Variants in JAKMIP3 observed in about 807,000 individuals in gnomAD.
JAKMIP3 encodes the protein janus kinase and microtubule-interacting protein 3.
JAKMIP3 carries 58 observed loss-of-function variants against 118.5 expected under a neutral mutation model. The observed-to-expected ratio is 0.49, with a 90% CI of 0.40 to 0.61. The LOEUF (loss-of-function observed/expected upper bound fraction) is 0.61. Ranked by LOEUF, JAKMIP3 falls within the 20% of genes least tolerant of loss-of-function variation. JAKMIP3 has a pLI of 0.00. For missense variants in JAKMIP3, 950 were observed against 1,109.0 expected, an observed-to-expected ratio of 0.86 and a Z score of 2.04; for synonymous variants, 486 against 451.2, an observed-to-expected ratio of 1.08 and a Z score of -0.98.
intron 1 of JAKMIP3, among the ~76,000 whole-genome samples, chr10:132,047,883 C>T (rs2037972080): frequency 6.6e-6 from 1 of 152,280 alleles, no homozygotes; most frequent in East Asian, 1.9e-4. Flanking sequence ...CCCGCCCCGC[C>T]CCCCGCGAGC....
intron 2 of JAKMIP3, among the ~76,000 whole-genome samples, chr10:132,110,106 A>T (rs2135134274): frequency 6.6e-6 from 1 of 152,248 alleles, no homozygotes; most frequent in East Asian, 1.9e-4. Context: ...TCTGGACCTC[A>T]AGAGGGAAAT....
chr10:132,168,642 A>G lies in JAKMIP3; in HGVS notation c.*712A>G, dbSNP rs1021729236. On this transcript the variant is annotated 3_prime_UTR_variant, in exon 23 of 24. Transcript: ENST00000684848. The stretch of plus-strand genomic sequence containing the variant: ...CATCAACCCTCTGCCTCCCTACTCA[A>G]CCTGAGACAGGAAGGCCAAGATCCC... 2.7e-5 allele frequency: 9 copies of G among 328,098 alleles called. 1 individual carries two copies. The highest frequency in any genetic ancestry group is 1.9e-4 in the South Asian group (8 of 43,120). 20.3% of individuals were successfully genotyped at this position (328,098 alleles called of 1,614,324 possible).
intron 13 of JAKMIP3, among the ~76,000 whole-genome samples, chr10:132,147,707 G>T (rs536485821): frequency 5.9e-5 from 9 of 152,308 alleles, no homozygotes; most frequent in African/African-American, 2.2e-4. Context: ...CGATATGATC[G>T]CCAGGCTCCT....
rs1324233719 is a variant in JAKMIP3 at position 132,112,128 on chromosome 10, C to T, written c.136-4949C>T. Among the ~76,000 whole-genome samples the T allele has an allele frequency of 1.3e-5, 2 of 152,008 alleles. No homozygotes were observed. The highest frequency in any genetic ancestry group is 4.8e-5 in the African/African-American group (2 of 41,372). ...GCCCTTTGCTGAGGTGGCATCTGGG[C>T]GAGGATGATGGGCACTGGGGGCCGG... On this transcript the variant is annotated intron_variant, in intron 2 of 23. Coordinates refer to ENST00000684848, the MANE Select transcript of JAKMIP3 (RefSeq NM_001323087.2). This position sits in a 1 kb window ranked among gnomAD's most constrained non-coding sequence, Gnocchi z 4.3.
intron 17 of JAKMIP3, 92 bp from the exon 18 acceptor site, chr10:132,153,667 C>A: frequency 1.6e-6 from 2 of 1,236,200 alleles, no homozygotes; most frequent in Non-Finnish European, 2.4e-6. Context: ...GAAGGAAGAC[C>A]CAGGCTGTCC....
At position 132,117,948 on chromosome 10, in the gene JAKMIP3, G is replaced by A. The variant is rs2047974726; in HGVS notation, c.633+374G>A. 6.6e-6 allele frequency among the ~76,000 whole-genome samples: 1 copy of A among 152,148 alleles called. No homozygotes were observed. Among genetic ancestry groups the A allele is most frequent in the Non-Finnish European group, 1.5e-5 (1 of 68,024 alleles). ...GGGTTCACGGACATCTCTTCTTAGTGTCCCGGGTCACACCTGACACCAGGC... is the reference window on the plus strand; with the variant it reads ...GGGTTCACGGACATCTCTTCTTAGTATCCCGGGTCACACCTGACACCAGGC... On this transcript the variant is annotated intron_variant, in intron 3 of 23. Coordinates refer to ENST00000684848, the MANE Select transcript of JAKMIP3 (RefSeq NM_001323087.2). This position sits in a 1 kb window ranked among gnomAD's most constrained non-coding sequence, Gnocchi z 8.6.
chr10:132,068,785 C>T (rs1260028787), intron 1 of JAKMIP3, among the ~76,000 whole-genome samples: 2 of 152,090 alleles, frequency 1.3e-5, no homozygotes, highest in African/African-American at 4.8e-5. Context: ...GGTTTTTGAC[C>T]CCAGGACATG....
At chr10:132,139,218 GT>G (rs2052663911) in intron 9 of JAKMIP3, among the ~76,000 whole-genome samples, 4 of 125,442 alleles carry the variant, frequency 3.2e-5, no homozygotes, top group Non-Finnish European at 5.0e-5. Flanking sequence ...GTGTATGTGT[GT>G]ACATGTGAGT....
At chr10:132,041,602 C>T (rs566020771) in intron 1 of JAKMIP3, among the ~76,000 whole-genome samples, 4 of 152,254 alleles carry the variant, frequency 2.6e-5, no homozygotes, top group Non-Finnish European at 1.5e-5. Flanking sequence ...CCGACACCCC[C>T]ACTCCTTTCC....
intron 11 of JAKMIP3, 118 bp downstream of exon 11, chr10:132,142,166 G>T (rs2053653400): frequency 9.3e-7 from 1 of 1,079,848 alleles, no homozygotes; most frequent in Non-Finnish European, 1.3e-6. Context: ...CTCCTCTCCT[G>T]CCCTTGCCTG....
exon 1 of JAKMIP3, among the ~76,000 whole-genome samples, chr10:132,036,687 T>C (rs2037506907): frequency 6.7e-6 from 1 of 150,346 alleles, no homozygotes; most frequent in South Asian, 2.1e-4. Context: ...GCCTCTGCCA[T>C]GGCCGATCCG....
chr10:132,155,008 A>ATAATGGTTATAG (rs2056877827), intron 19 of JAKMIP3, among the ~76,000 whole-genome samples: 1 of 1,030 alleles, frequency 9.7e-4, no homozygotes, highest in African/African-American at 3.8e-3. Context: ...TATGATGATG[A>ATAATGGTTATAG]TGATAATGGT....
At chr10:132,052,995 T>C (rs1323089533) in intron 1 of JAKMIP3, among the ~76,000 whole-genome samples, 4 of 152,252 alleles carry the variant, frequency 2.6e-5, no homozygotes, top group Non-Finnish European at 5.9e-5. Context: ...GTTTGTATCC[T>C]GGCTGTTTCT....
intron 3 of JAKMIP3, among the ~76,000 whole-genome samples, chr10:132,127,727 G>T (rs1009142922): frequency 6.6e-6 from 1 of 151,724 alleles, no homozygotes. Context: ...CTTGGATGGG[G>T]TTATCCCATG....
rs933209284 is a variant in JAKMIP3, at chr10:132,142,665, C to T, written c.1602+617C>T. Among the ~76,000 whole-genome samples the T allele has an allele frequency of 9.8e-5, 15 of 152,298 alleles. No individual in the cohort carries two copies. The South Asian group carries it at 1.5e-3, about 15-fold the overall frequency. On this transcript the variant is annotated intron_variant, in intron 11 of 23. Transcript: ENST00000684848. The stretch of plus-strand genomic sequence containing the variant: ...CAGGCACCAGGCCTCGTGGGGAGAG[C>T]GTGGGCCATGGGTCGGGGGTCCTCT...
chr10:132,117,556 G>A lies in JAKMIP3; in HGVS notation c.615G>A (p.Glu205=), dbSNP rs566652806. Residue 205 remains glutamate, a synonymous_variant, in exon 3 of 24, where the codon GAG becomes GAA. Coordinates refer to ENST00000684848, the MANE Select transcript of JAKMIP3 (RefSeq NM_001323087.2). This position sits in a 1 kb window ranked among gnomAD's most constrained non-coding sequence, Gnocchi z 8.6. ...EEITRIKKEC[E]REIRRLMEEI... Reference sequence around the variant, plus strand: ...TCACCCGCATCAAGAAGGAGTGCGAGCGGGAGATCCGCAGGCTGGTACGTG... The same window carrying A: ...TCACCCGCATCAAGAAGGAGTGCGAACGGGAGATCCGCAGGCTGGTACGTG... 5.2e-5 allele frequency: 81 copies of A among 1,563,784 alleles called. 1 individual carries two copies. The South Asian group carries it at 5.8e-4, about 11-fold the overall frequency.
At chr10:132,180,632 T>TGTGTGTGC (rs1565019542) in intron 23 of JAKMIP3, among the ~76,000 whole-genome samples, 3 of 31,976 alleles carry the variant, frequency 9.4e-5, no homozygotes, top group African/African-American at 5.4e-4. Flanking sequence ...TGTGCGTGTG[T>TGTGTGTGC]GCGTGCGTGT....
chr10:132,039,749 G>T (rs2133750880), intron 1 of JAKMIP3, among the ~76,000 whole-genome samples: 1 of 152,370 alleles, frequency 6.6e-6, no homozygotes, highest in East Asian at 1.9e-4. Context: ...GATGGGGGAA[G>T]CTTCATTTCT....
chr10:132,053,932 G>A (rs1455244907), intron 1 of JAKMIP3, among the ~76,000 whole-genome samples: 3 of 151,964 alleles, frequency 2.0e-5, no homozygotes, highest in Non-Finnish European at 4.4e-5. Flanking sequence ...AGCTACTCGG[G>A]TGGGGGCTGA....
Sources: allele counts gnomAD v4.1 joint callset (sites outside exome capture counted in the v4.1 genomes callset), GRCh38; gene constraint gnomAD v4.1.1; non-coding constraint Gnocchi (gnomAD v3.1); transcripts MANE v1.5; gene names NCBI Gene and HGNC (gene_info 2026-07-23, HGNC 2026-07-21).